CERS5: variants seen among roughly 807,000 people sequenced by gnomAD.
CERS5 encodes the protein ceramide synthase 5.
A neutral mutation model predicts 58.9 loss-of-function variants in CERS5; 37 were observed. That is an observed-to-expected ratio of 0.63 (90% CI 0.48 to 0.83). The LOEUF is 0.83. Ranked by LOEUF, CERS5 falls within the 40% of genes least tolerant of loss-of-function variation. The pLI is 0.00. For missense variants in CERS5, 398 were observed against 489.3 expected (o/e 0.81, Z 1.76); for synonymous variants, 147 against 177.8 (o/e 0.83, Z 1.38).
intron 6 of CERS5, among the ~76,000 whole-genome samples, chr12:50,136,832 G>A (rs1951721103): frequency 6.6e-6 from 1 of 152,088 alleles, no homozygotes; most frequent in East Asian, 1.9e-4. Flanking sequence ...CTAAATACTT[G>A]AGTTATCAGA....
At position 50,137,776 on chromosome 12, in the gene CERS5, G is replaced by T; in HGVS notation, c.588C>A (p.Ala196=). Residue 196 remains alanine, a synonymous_variant, in exon 6 of 10, where the codon GCC becomes GCA. Transcript: ENST00000317551. ...GLYHYYIMEL[A]FYWSLMFSQF... ...GAGAAAACATAAGGGACCAATAGAA[G>T]GCCAATTCCATGATATAATAGTGAT... 1 of 1,609,824 alleles carries T rather than the reference G, an allele frequency of 6.2e-7. No homozygotes were observed. Among genetic ancestry groups the T allele is most frequent in the Non-Finnish European group, 8.5e-7 (1 of 1,176,718 alleles).
intron 9 of CERS5, chr12:50,134,149 G>T (rs1006392223): frequency 4.1e-6 from 1 of 241,058 alleles, no homozygotes; most frequent in Non-Finnish European, 8.2e-6. Context: ...GGGAAGCCGT[G>T]GTGGGAGGAC....
intron 1 of CERS5, among the ~76,000 whole-genome samples, chr12:50,164,699 T>C (rs956781500): frequency 2.6e-5 from 4 of 152,134 alleles, no homozygotes; most frequent in African/African-American, 7.2e-5. Context: ...TGGAGCACCA[T>C]AGAAACACTC....
intron 1 of CERS5, among the ~76,000 whole-genome samples, chr12:50,153,365 T>C (rs2138193406): frequency 7.4e-6 from 1 of 135,804 alleles, no homozygotes; most frequent in East Asian, 2.2e-4. Context: ...CTGCAACCTC[T>C]GCCTCCTGGG....
Position 50,136,067 on chromosome 12 carries a change from G to A in CERS5, c.639C>T (p.Asp213=). 6.7e-7 allele frequency: 1 copy of A among 1,486,590 alleles called. No homozygotes were observed. The highest frequency in any genetic ancestry group is 8.9e-7 in the Non-Finnish European group (1 of 1,120,968). The allele number at this position is 1,486,590 out of a possible 1,614,324, so 92.1% of individuals were successfully genotyped here. ...AGTGATGCACAAACATGATCAGGAA[G>A]TCCTAGGAAGGAATGGAAATAGAAG... is the stretch of plus-strand genomic sequence containing the variant. ...FSQFTDIKRK[D]FLIMFVHHLV... The change falls in exon 7 of 10, where the codon GAC becomes GAT. Residue 213 remains aspartate (D), a splice_region_variant and synonymous_variant. Coordinates refer to ENST00000317551, the MANE Select transcript of CERS5 (RefSeq NM_147190.5).
At chr12:50,161,784 G>GAAAAAAAAAAAAAAAAAAAAAAAAAAA (rs374177550) in intron 1 of CERS5, among the ~76,000 whole-genome samples, 6 of 90,878 alleles carry the variant, frequency 6.6e-5, no homozygotes, top group South Asian at 4.0e-4. Context: ...CTCAAAAAAA[G>GAAAAAAAAAAAAAAAAAAAAAAAAAAA]AAAAAAAAAA....
chr12:50,137,903 C>G (rs1001581526), intron 5 of CERS5, 83 bp from the exon 6 acceptor site: 2 of 823,888 alleles, frequency 2.4e-6, no homozygotes, highest in Non-Finnish European at 4.1e-6. Flanking sequence ...CTTGGAGGAC[C>G]AATACCCCAA....
chr12:50,153,896 G>A (rs753999378), intron 1 of CERS5: 1 of 414,692 alleles, frequency 2.4e-6, no homozygotes, highest in South Asian at 1.7e-5. Flanking sequence ...AGAGGTTGCA[G>A]TGAGCTGTGA....
chr12:50,148,509 A>G, intron 1 of CERS5: 1 of 322,860 alleles, frequency 3.1e-6, no homozygotes, highest in Non-Finnish European at 6.5e-6. Flanking sequence ...AGGTGAGAGG[A>G]TCTCTTGAAC....
intron 1 of CERS5, among the ~76,000 whole-genome samples, chr12:50,162,824 G>A (rs1592452105): frequency 1.3e-5 from 2 of 152,028 alleles, no homozygotes; most frequent in Admixed American, 6.6e-5. Context: ...GGTTGGTCTC[G>A]AACTCCTGAC....
chr12:50,144,228 C>T (rs1952137416), intron 1 of CERS5, 171 bp from the exon 2 acceptor site: 1 of 536,666 alleles, frequency 1.9e-6, no homozygotes. Context: ...CAACATTTAT[C>T]ACTTCTTTAG....
At chr12:50,156,438 A>ATATATATAT (rs1555198356) in intron 1 of CERS5, among the ~76,000 whole-genome samples, 19 of 123,252 alleles carry the variant, frequency 1.5e-4, no homozygotes, top group South Asian at 2.4e-4. Context: ...ATATATATAT[A>ATATATATAT]AAACAATTAG....
intron 1 of CERS5, among the ~76,000 whole-genome samples, chr12:50,151,220 A>G (rs2138176724): frequency 6.6e-6 from 1 of 152,272 alleles, no homozygotes; most frequent in African/African-American, 2.4e-5. Context: ...CACTCCACTG[A>G]AGCTGTTCTT....
intron 4 of CERS5, among the ~76,000 whole-genome samples, 193 bp downstream of exon 4, chr12:50,141,860 A>ACCCAACAG (rs1398353903): frequency 6.8e-6 from 1 of 147,856 alleles, no homozygotes; most frequent in African/African-American, 2.5e-5. Context: ...AATCTCTTGA[A>ACCCAACAG]CCCAACAGGC....
intron 1 of CERS5, among the ~76,000 whole-genome samples, chr12:50,158,129 T>C (rs1938866664): frequency 6.6e-6 from 1 of 151,980 alleles, no homozygotes; most frequent in Non-Finnish European, 1.5e-5. Context: ...AGATTGTATA[T>C]TTTTGTAAAT....
chr12:50,132,868 C>CAA, intron 9 of CERS5: 1 of 1,250,154 alleles, frequency 8.0e-7, no homozygotes, highest in Non-Finnish European at 1.0e-6. Flanking sequence ...TGCTCTGAGA[C>CAA]AAACACAAGG....
In CERS5 at chr12:50,146,778, C is replaced by T. The variant is rs572978900; in HGVS notation, c.198-2721G>A. On this transcript the variant is annotated intron_variant, in intron 1 of 9. Transcript: ENST00000317551. ...GGGAGAATGGCATGAACCCGGGAGG[C>T]GGAGCTTGCAGTGAGCCGAGATCGC... Among the ~76,000 whole-genome samples, 624 of 141,712 alleles carry T rather than the reference C, an allele frequency of 4.4e-3. 6 individuals are homozygous for T. The highest frequency in any genetic ancestry group is 0.015 in the African/African-American group (585 of 38,110). The allele number at this position is 141,712 out of a possible 152,430, so 93.0% of individuals were successfully genotyped here. A position where few individuals can be genotyped will look rare whatever the true frequency, so the allele number is the denominator to read the frequency against.
chr12:50,137,337 C>G (rs1230133233), intron 6 of CERS5, among the ~76,000 whole-genome samples: 1 of 152,044 alleles, frequency 6.6e-6, no homozygotes, highest in South Asian at 2.1e-4. Context: ...AAAGGGAGAA[C>G]AGAGAGAGCA....
chr12:50,140,616 C>T (rs558507671), intron 4 of CERS5, among the ~76,000 whole-genome samples: 1 of 152,172 alleles, frequency 6.6e-6, no homozygotes, highest in South Asian at 2.1e-4. Context: ...TCTCTCATTA[C>T]AATTGACTTG....
Sources: gnomAD v4.1 joint callset for allele counts (sites outside exome capture counted in the v4.1 genomes callset) on GRCh38, gnomAD v4.1.1 for gene constraint, MANE v1.5 for transcripts, NCBI Gene and HGNC (gene_info 2026-07-23, HGNC 2026-07-21) for gene names.